Variants in CCDC77 observed in about 807,000 individuals in gnomAD.
CCDC77 encodes coiled-coil domain containing 77, also known as coiled-coil domain-containing protein 77.
In CCDC77, 56 loss-of-function variants were observed where a neutral mutation model predicts 66.8. The ratio of observed to expected loss-of-function variants is 0.84; its 90% CI spans 0.68 to 1.05. The LOEUF is 1.05. CCDC77 is among the 50% of genes least tolerant of loss of function. The pLI is 0.00. For missense variants in CCDC77, 570 were observed against 576.8 expected, an observed-to-expected ratio of 0.99 and a Z score of 0.12; for synonymous variants, 196 against 195.2, an observed-to-expected ratio of 1.00 and a Z score of -0.03.
chr12:424,259 G>A (rs1024306684), intron 5 of CCDC77, among the ~76,000 whole-genome samples: 11 of 151,906 alleles, frequency 7.2e-5, no homozygotes, highest in Admixed American at 3.9e-4. Flanking sequence ...GTGAGCCACC[G>A]TGCCTGGCTA....
intron 5 of CCDC77, among the ~76,000 whole-genome samples, chr12:425,543 C>T (rs1485084176): frequency 2.0e-5 from 3 of 151,886 alleles, no homozygotes; most frequent in Non-Finnish European, 4.4e-5. Flanking sequence ...GAGCAGTATT[C>T]CAAAATGCGG....
chr12:405,816 G>A (rs368405320), intron 2 of CCDC77, among the ~76,000 whole-genome samples: 48 of 152,102 alleles, frequency 3.2e-4, no homozygotes, highest in African/African-American at 1.1e-3. Context: ...TAGGGATACA[G>A]CAGTGAACAT....
chr12:398,584 T>C (rs1429309001), upstream of CCDC77, among the ~76,000 whole-genome samples: 1 of 151,358 alleles, frequency 6.6e-6, no homozygotes, highest in Non-Finnish European at 1.5e-5. Context: ...CTTCTAATTC[T>C]AGTTCTCTTG....
chr12:423,867 A>G (rs1945482219), intron 5 of CCDC77, among the ~76,000 whole-genome samples: 1 of 152,076 alleles, frequency 6.6e-6, no homozygotes, highest in Non-Finnish European at 1.5e-5. Context: ...TTTGATTTGC[A>G]TTTTTAAATG....
intron 4 of CCDC77, among the ~76,000 whole-genome samples, chr12:417,335 A>G (rs1470382801): frequency 6.6e-6 from 1 of 152,054 alleles, no homozygotes; most frequent in Admixed American, 6.6e-5. Flanking sequence ...TTCTTGGAGT[A>G]CCAACTGTCT....
chr12:401,505 G>A (rs1045782210), upstream of CCDC77: 5 of 152,308 alleles, frequency 3.3e-5, no homozygotes, highest in Non-Finnish European at 1.5e-5. Context: ...GCACCGCGAG[G>A]AGGGGCGAGA....
intron 4 of CCDC77, among the ~76,000 whole-genome samples, chr12:413,361 C>A (rs1003964602): frequency 3.3e-5 from 5 of 151,260 alleles, no homozygotes; most frequent in Non-Finnish European, 5.9e-5. Flanking sequence ...CTCAGCCTCC[C>A]GAGTAGCTGG....
chr12:393,513 A>G (rs1167486349), intron 1 of CCDC77, among the ~76,000 whole-genome samples: 1 of 150,036 alleles, frequency 6.7e-6, no homozygotes, highest in Admixed American at 6.8e-5. Flanking sequence ...ACACTGTTAC[A>G]TTAAAATGGT....
At chr12:428,547 A>G (rs1591986946) in intron 5 of CCDC77, among the ~76,000 whole-genome samples, 1 of 151,056 alleles carries the variant, frequency 6.6e-6, no homozygotes, top group African/African-American at 2.4e-5. Flanking sequence ...GAATTAGCTA[A>G]GAAGTGCCCT....
chr12:430,224 C>T (rs901065350), intron 6 of CCDC77, among the ~76,000 whole-genome samples: 1 of 151,886 alleles, frequency 6.6e-6, no homozygotes, highest in African/African-American at 2.4e-5. Flanking sequence ...AACTCCCGAC[C>T]TCAGGTGATC....
At chr12:415,424 CAT>C (rs1945224349) in intron 4 of CCDC77, among the ~76,000 whole-genome samples, 1 of 140,576 alleles carries the variant, frequency 7.1e-6, no homozygotes, top group South Asian at 2.3e-4. Context: ...ATATTATTAA[CAT>C]AATTAACATA....
intron 9 of CCDC77, among the ~76,000 whole-genome samples, chr12:435,071 A>T (rs1319236661): frequency 5.4e-4 from 56 of 103,376 alleles, no homozygotes; most frequent in Middle Eastern, 8.5e-3. Context: ...TCATGGTATC[A>T]CATGTATTCC....
intron 5 of CCDC77, among the ~76,000 whole-genome samples, chr12:423,494 GT>G (rs56233976): frequency 2.9e-3 from 104 of 35,420 alleles, no homozygotes; most frequent in East Asian, 3.7e-3. Flanking sequence ...TTTTTGTTTT[GT>G]TTTTTTTTTT....
rs1375554575 is a variant in CCDC77 at position 418,486 on chromosome 12, T to C, written c.271-8T>C. 6.2e-7 allele frequency: 1 copy of C among 1,614,016 alleles called. No homozygotes were observed. Among genetic ancestry groups the C allele is most frequent in the Admixed American group, 1.7e-5 (1 of 60,006 alleles). ...TCTTTCAACTATCTTATTGTGGTTT[T>C]TTTGCAGCATAAACTTGAATGTGAT... On this transcript the variant is annotated splice_region_variant and splice_polypyrimidine_tract_variant and intron_variant, in intron 4 of 12. Coordinates refer to ENST00000239830, the MANE Select transcript of CCDC77 (RefSeq NM_032358.4).
intron 1 of CCDC77, among the ~76,000 whole-genome samples, chr12:402,143 A>C (rs1944908195): frequency 6.6e-6 from 1 of 152,220 alleles, no homozygotes; most frequent in African/African-American, 2.4e-5. Flanking sequence ...AAGCTATAAG[A>C]ATATATCTAA....
chr12:393,974 C>T (rs186220553), intron 1 of CCDC77, among the ~76,000 whole-genome samples: 1 of 152,144 alleles, frequency 6.6e-6, no homozygotes, highest in African/African-American at 2.4e-5. Context: ...AAAAAATTTA[C>T]AAAAATATCA....
At chr12:404,728 T>TTC (rs1306136837) in intron 1 of CCDC77, among the ~76,000 whole-genome samples, 1 of 151,750 alleles carries the variant, frequency 6.6e-6, no homozygotes, top group East Asian at 1.9e-4. Flanking sequence ...TTACTTTTTT[T>TTC]TTTTTTTTTT....
At chr12:399,726 A>T (rs1400366990), upstream of CCDC77, among the ~76,000 whole-genome samples, 1 of 152,252 alleles carries the variant, frequency 6.6e-6, no homozygotes, top group East Asian at 1.9e-4. Context: ...CCATGCTATA[A>T]ACATATATGC....
chr12:411,753 A>G lies in CCDC77; in HGVS notation c.45A>G (p.Thr15=), dbSNP rs761267852. Residue 15 remains threonine (T), a synonymous_variant, in exon 4 of 13, where the codon ACA becomes ACG. Coordinates refer to ENST00000239830, the MANE Select transcript of CCDC77 (RefSeq NM_032358.4). ...PTHTPVCRKR[T]VVSKRGVAVS... ...CATTTCTAATTTCACGTAGGCGAAC[A>G]GTTGTCTCCAAACGTGGTGTTGCCG... is the stretch of plus-strand genomic sequence containing the variant. The G allele has an allele frequency of 1.2e-5, 19 of 1,612,226 alleles. No individual in the cohort carries two copies. The highest frequency in any genetic ancestry group is 1.7e-5 in the Admixed American group (1 of 59,588).
Sources: gnomAD v4.1 joint callset for allele counts (sites outside exome capture counted in the v4.1 genomes callset) on GRCh38, gnomAD v4.1.1 for gene constraint, MANE v1.5 for transcripts, NCBI Gene and HGNC (gene_info 2026-07-23, HGNC 2026-07-21) for gene names.